Variants in NRG3 observed in about 807,000 individuals in gnomAD.
NRG3 encodes neuregulin 3, also known as pro-neuregulin-3, membrane-bound isoform.
A neutral mutation model predicts 66.9 loss-of-function variants in NRG3; 31 were observed. The observed-to-expected ratio is 0.46, with a 90% CI of 0.35 to 0.63. The LOEUF (loss-of-function observed/expected upper bound fraction) is 0.63. Among genes scored for constraint, NRG3 ranks in the 20% least tolerant of loss-of-function variants. NRG3 has a pLI of 0.00. For synonymous variants in NRG3, 393 were observed against 359.4 expected, an observed-to-expected ratio of 1.09 and a Z score of -1.06; for missense variants, 910 against 878.9, an observed-to-expected ratio of 1.04 and a Z score of -0.45.
At chr10:81,966,864 T>C (rs2059749380) in intron 1 of NRG3, among the ~76,000 whole-genome samples, 1 of 152,188 alleles carries the variant, frequency 6.6e-6, no homozygotes, top group Non-Finnish European at 1.5e-5. Flanking sequence ...CAAGTAATAG[T>C]TTAATAAAAT....
chr10:82,274,057 A>G (rs1425682461), intron 1 of NRG3, among the ~76,000 whole-genome samples: 2 of 151,918 alleles, frequency 1.3e-5, no homozygotes, highest in Non-Finnish European at 2.9e-5. Flanking sequence ...CTCATTTTCC[A>G]CCTCCTACGA....
chr10:82,056,210 G>A (rs1564776467), intron 1 of NRG3, among the ~76,000 whole-genome samples: 2 of 152,136 alleles, frequency 1.3e-5, no homozygotes, highest in African/African-American at 4.8e-5. Flanking sequence ...TGGTTAAGGA[G>A]TTTAATACTT....
chr10:82,593,927 T>C (rs913890094), intron 2 of NRG3, among the ~76,000 whole-genome samples: 1 of 152,098 alleles, frequency 6.6e-6, no homozygotes, highest in Non-Finnish European at 1.5e-5. Context: ...CAAGTCATTT[T>C]AGACCTTTAA....
At chr10:82,315,659 C>G (rs576599356) in intron 1 of NRG3, among the ~76,000 whole-genome samples, 3 of 148,032 alleles carry the variant, frequency 2.0e-5, no homozygotes, top group African/African-American at 7.8e-5. Context: ...GAATCATATA[C>G]GTTTGTTGTT....
At chr10:82,259,507 C>A (rs1015405039) in intron 1 of NRG3, among the ~76,000 whole-genome samples, 2 of 152,072 alleles carry the variant, frequency 1.3e-5, no homozygotes, top group African/African-American at 2.4e-5. Context: ...AGATGGCACA[C>A]CGTAGTAATC....
intron 1 of NRG3, among the ~76,000 whole-genome samples, chr10:81,982,252 C>A (rs189205477): frequency 3.0e-4 from 45 of 152,290 alleles, no homozygotes; most frequent in African/African-American, 9.4e-4. Context: ...AATCTCTCTG[C>A]CATTTTATGG....
rs955144543 is a variant in NRG3 at position 82,315,894 on chromosome 10, A to T, written c.824-42845A>T. The stretch of plus-strand genomic sequence containing the variant: ...TGGCCAGGCTGGTCTTGAACTTCTG[A>T]CCTTAGCCTCCCAAAGTACTGGGAT... On this transcript the variant is annotated intron_variant, in intron 1 of 8. Transcript: ENST00000372141. Among the ~76,000 whole-genome samples the T allele has an allele frequency of 2.0e-5, 3 of 151,986 alleles. No homozygotes were observed. The East Asian group carries it at 5.8e-4, about 29-fold the overall frequency.
At chr10:82,528,688 A>G (rs1298211983) in intron 2 of NRG3, among the ~76,000 whole-genome samples, 8 of 152,126 alleles carry the variant, frequency 5.3e-5, no homozygotes, top group African/African-American at 1.9e-4. Flanking sequence ...GTTGAGTAAA[A>G]ATACATTTTC....
chr10:82,113,112 A>T (rs149413326), intron 1 of NRG3, among the ~76,000 whole-genome samples: 2 of 152,288 alleles, frequency 1.3e-5, no homozygotes, highest in Non-Finnish European at 2.9e-5. Flanking sequence ...TAATGTAGGG[A>T]TTGTAAGGCA....
At chr10:82,220,195 T>C (rs1287704184) in intron 1 of NRG3, among the ~76,000 whole-genome samples, 3 of 151,888 alleles carry the variant, frequency 2.0e-5, no homozygotes, top group African/African-American at 4.8e-5. Flanking sequence ...ACTGTGTGTG[T>C]GTGTGTGTGT....
intron 2 of NRG3, among the ~76,000 whole-genome samples, chr10:82,717,717 A>G (rs2057059943): frequency 6.6e-6 from 1 of 152,120 alleles, no homozygotes; most frequent in Non-Finnish European, 1.5e-5. Context: ...AAGCTTTCAC[A>G]TAATCTCCAA....
At chr10:82,898,778 G>T (rs902482103) in intron 4 of NRG3, among the ~76,000 whole-genome samples, 5 of 137,278 alleles carry the variant, frequency 3.6e-5, no homozygotes, top group Non-Finnish European at 7.5e-5. Flanking sequence ...CTGGAGTGCA[G>T]TTGTGCGATC....
At chr10:82,316,523 TC>T (rs1400277419) in intron 1 of NRG3, among the ~76,000 whole-genome samples, 3 of 152,172 alleles carry the variant, frequency 2.0e-5, no homozygotes, top group Admixed American at 2.0e-4. Context: ...GACCCTTTTT[TC>T]CCCCTCCTGG....
chr10:82,269,748 TC>T (rs1226579713), intron 1 of NRG3, among the ~76,000 whole-genome samples: 1 of 152,096 alleles, frequency 6.6e-6, no homozygotes, highest in Non-Finnish European at 1.5e-5. Context: ...CATTGCTAGG[TC>T]CCCCTTGAGA....
At position 82,698,611 on chromosome 10, in the gene NRG3, C is replaced by T. The variant is rs138703040; in HGVS notation, c.954-39966C>T. ...AAAATGGGTTTAAACTTCAGTCAGA[C>T]TCAGATTCAAGTCTTAGCTCTACTG... is the stretch of plus-strand genomic sequence containing the variant. On this transcript the variant is annotated intron_variant, in intron 2 of 8. Transcript: ENST00000372141. Among the ~76,000 whole-genome samples, 770 of 152,236 alleles carry T rather than the reference C, an allele frequency of 5.1e-3. 4 individuals are homozygous for T. The highest frequency in any genetic ancestry group is 0.018 in the African/African-American group (731 of 41,544).
At chr10:82,700,542 G>A (rs2055786433) in intron 2 of NRG3, among the ~76,000 whole-genome samples, 1 of 152,162 alleles carries the variant, frequency 6.6e-6, no homozygotes, top group African/African-American at 2.4e-5. Context: ...CAAACATGAT[G>A]TTTTATAAAT....
intron 1 of NRG3, among the ~76,000 whole-genome samples, chr10:81,927,404 A>G (rs531324307): frequency 2.0e-5 from 3 of 152,160 alleles, no homozygotes; most frequent in Non-Finnish European, 2.9e-5. Context: ...CACCTTTGCT[A>G]AAATGTCAAT....
intron 4 of NRG3, among the ~76,000 whole-genome samples, chr10:82,888,827 A>G (rs1842921545): frequency 6.6e-6 from 1 of 152,074 alleles, no homozygotes. Context: ...ACAGGGAGCC[A>G]GGGAAGGCCT....
At chr10:82,607,643 T>C (rs1341928610) in intron 2 of NRG3, among the ~76,000 whole-genome samples, 2 of 152,086 alleles carry the variant, frequency 1.3e-5, no homozygotes, top group African/African-American at 2.4e-5. Flanking sequence ...TCTTGTTCTC[T>C]TTTTTTCTTC....
Sources: gnomAD v4.1 joint callset for allele counts (sites outside exome capture counted in the v4.1 genomes callset) on GRCh38, gnomAD v4.1.1 for gene constraint, MANE v1.5 for transcripts, NCBI Gene and HGNC (gene_info 2026-07-23, HGNC 2026-07-21) for gene names.